The following VIPAS39 variants were observed in gnomAD, a reference collection of about 807,000 sequenced individuals.
VIPAS39 encodes the protein VPS33B interacting protein, apical-basolateral polarity regulator, spe-39 homolog.
Under a neutral mutation model 84.7 loss-of-function variants are expected in VIPAS39, and 63 were observed. The observed-to-expected ratio is 0.74, with a 90% confidence interval of 0.61 to 0.92. The LOEUF (loss-of-function observed/expected upper bound fraction) is 0.92, where lower values mean the gene tolerates loss of function less well. VIPAS39 is among the 40% of genes least tolerant of loss of function. The pLI is 0.00. For synonymous variants in VIPAS39, 192 were observed against 216.5 expected (o/e 0.89, Z 0.99); for missense variants, 499 against 604.5 (o/e 0.83, Z 1.83).
In VIPAS39 at chr14:77,429,111, C is replaced by T. The variant is rs2078479155; in HGVS notation, c.1267-16G>A. 4 of 1,609,598 alleles carry T rather than the reference C, an allele frequency of 2.5e-6. No individual in the cohort carries two copies. The highest frequency in any genetic ancestry group is 1.3e-5 in the African/African-American group (1 of 74,854). On this transcript the variant is annotated splice_polypyrimidine_tract_variant and intron_variant, in intron 17 of 19. Coordinates refer to ENST00000557658, the MANE Select transcript of VIPAS39 (RefSeq NM_001193315.2). ...CCTGTAATATCTGTGGGAAGAGGTA[C>T]TTCCGATTAATGATTCAAACACCCA... is the stretch of plus-strand genomic sequence containing the variant.
chr14:77,457,365 A>C (rs1566743273), intron 1 of VIPAS39, 130 bp downstream of exon 1: 1 of 1,535,666 alleles, frequency 6.5e-7, no homozygotes, highest in East Asian at 2.4e-5. Flanking sequence ...GGTCGCCCTG[A>C]CTGAAAGAAG....
At chr14:77,440,333 T>G (rs955882567) in intron 11 of VIPAS39, 2 of 152,052 alleles carry the variant, frequency 1.3e-5, no homozygotes, top group African/African-American at 4.8e-5. Context: ...TGCCAAAATT[T>G]AATCTTAACA....
At chr14:77,432,743 G>C (rs954547758) in intron 16 of VIPAS39, among the ~76,000 whole-genome samples, 1 of 152,070 alleles carries the variant, frequency 6.6e-6, no homozygotes, top group African/African-American at 2.4e-5. Flanking sequence ...GTTTCCAGAG[G>C]GGGAAAAAAG....
At chr14:77,429,877 T>A in intron 16 of VIPAS39, 110 bp from the exon 17 acceptor site, 1 of 912,660 alleles carries the variant, frequency 1.1e-6, no homozygotes, top group Non-Finnish European at 1.8e-6. Context: ...TGAGTGGGGG[T>A]GCTGAGGGAT....
chr14:77,442,582 T>G lies in VIPAS39; in HGVS notation c.712A>C (p.Lys238Gln), dbSNP rs1594909371. ...TACCTGAAGAGGTCTAAAAGCAACT[T>G]TTGATCCCCTATTTCCTTAAGGAAG... is the stretch of plus-strand genomic sequence containing the variant. ...IHFLKEIGDQ[K>Q]LLLDLFRFLD... The change falls in exon 10 of 20, where the codon AAG becomes CAG. Residue 238 changes from lysine to glutamine, a missense_variant. By Grantham distance (53) the Lys-to-Gln change is moderately conservative. Transcript: ENST00000557658. 6.8e-6 allele frequency: 11 copies of G among 1,614,030 alleles called. No individual in the cohort carries two copies. The highest frequency in any genetic ancestry group is 9.3e-6 in the Non-Finnish European group (11 of 1,180,030).
intron 12 of VIPAS39, among the ~76,000 whole-genome samples, chr14:77,437,216 A>G (rs2078626527): frequency 1.3e-5 from 2 of 152,312 alleles, no homozygotes; most frequent in South Asian, 4.1e-4. Flanking sequence ...AGATACAGGG[A>G]AGCAAATTTC....
chr14:77,432,087 G>A (rs561558519), intron 16 of VIPAS39, among the ~76,000 whole-genome samples: 162 of 152,246 alleles, frequency 1.1e-3, no homozygotes, highest in Non-Finnish European at 1.9e-3. Flanking sequence ...CAGGAGTTTT[G>A]CTAAATGAGT....
rs376603353 is a variant in VIPAS39, at chr14:77,444,239, G to A, written c.597+10C>T. 22 of 1,611,188 alleles carry A rather than the reference G, an allele frequency of 1.4e-5. No homozygotes were observed. Among genetic ancestry groups the A allele is most frequent in the Middle Eastern group, 1.6e-4 (1 of 6,070 alleles). On this transcript the variant is annotated intron_variant, in intron 8 of 19. Transcript: ENST00000557658. ...TAATTAAACAAACAACAACAAATCC[G>A]ACAACTCACTGCAGTAATGACGTTT...
In VIPAS39 at chr14:77,449,761, AAAG is replaced by A. The variant is rs778162363; in HGVS notation, c.344-12_344-10del. On this transcript the variant is annotated splice_polypyrimidine_tract_variant and intron_variant, in intron 4 of 19. Transcript: ENST00000557658. ...TCCAGGTCTAGTTCTACCTAAAGGTAAAGAACACAAGAGGGAAAAGGTCAACAG... is the reference window on the plus strand; with the variant it reads ...TCCAGGTCTAGTTCTACCTAAAGGTAAACACAAGAGGGAAAAGGTCAACAG... 1.2e-6 allele frequency: 2 copies of A among 1,614,166 alleles called. No homozygotes were observed. The highest frequency in any genetic ancestry group is 2.2e-5 in the South Asian group (2 of 91,086).
intron 19 of VIPAS39, 26 bp from the exon 20 acceptor site, chr14:77,427,662 T>C (rs2078450774): frequency 6.2e-7 from 1 of 1,614,092 alleles, no homozygotes; most frequent in Non-Finnish European, 8.5e-7. Flanking sequence ...ACAATGAAAG[T>C]GTGTGATCAG....
intron 16 of VIPAS39, among the ~76,000 whole-genome samples, chr14:77,432,933 T>TGTGAGATGA (rs2078546564): frequency 6.6e-6 from 1 of 152,186 alleles, no homozygotes; most frequent in South Asian, 2.1e-4. Flanking sequence ...GATGGGTTAA[T>TGTGAGATGA]TGGCATGACT....
chr14:77,451,071 T>G, intron 4 of VIPAS39, 116 bp downstream of exon 4: 694 of 1,497,458 alleles, frequency 4.6e-4, no homozygotes, highest in Non-Finnish European at 5.8e-4. Flanking sequence ...CCACCTCCAA[T>G]GAGAATGCTT....
In VIPAS39 at chr14:77,457,565, C is replaced by A. The variant is rs1445165295; in HGVS notation, c.-71G>T. ...CCGCCGCTGGACCAGCCCTTCTATT[C>A]AGGCTGTGCAGCTTAGAGAAGGGGG... On this transcript the variant is annotated 5_prime_UTR_variant, in exon 1 of 20. Transcript: ENST00000557658. The A allele has an allele frequency of 8.1e-6, 5 of 619,698 alleles. No homozygotes were observed. The highest frequency in any genetic ancestry group is 1.1e-5 in the Non-Finnish European group (4 of 355,528). 38.4% of individuals were successfully genotyped at this position (619,698 alleles called of 1,614,324 possible). A position where few individuals can be genotyped will look rare whatever the true frequency, so the allele number is the denominator to read the frequency against.
At chr14:77,455,737 T>C (rs947462449) in intron 1 of VIPAS39, among the ~76,000 whole-genome samples, 2 of 152,214 alleles carry the variant, frequency 1.3e-5, no homozygotes, top group Non-Finnish European at 2.9e-5. Flanking sequence ...AAAGATACTC[T>C]ACTGTTACTT....
At position 77,427,146 on chromosome 14, in the gene VIPAS39, T is replaced by G; in HGVS notation, c.*470A>C. The G allele has an allele frequency of 5.3e-6, 1 of 189,776 alleles. No individual in the cohort carries two copies. The highest frequency in any genetic ancestry group is 1.1e-5 in the Non-Finnish European group (1 of 90,572). The allele number at this position is 189,776 out of a possible 1,614,324, so 11.8% of individuals were successfully genotyped here. On this transcript the variant is annotated 3_prime_UTR_variant, in exon 20 of 20. Coordinates refer to ENST00000557658, the MANE Select transcript of VIPAS39 (RefSeq NM_001193315.2). The stretch of plus-strand genomic sequence containing the variant: ...CTGGTGTGAGTGCATCTCCAGGAGG[T>G]CTTGGGAAACACTGGCATTCCTTCC...
chr14:77,444,719 C>T (rs1006657347), intron 7 of VIPAS39, among the ~76,000 whole-genome samples: 15 of 151,974 alleles, frequency 9.9e-5, no homozygotes, highest in Non-Finnish European at 1.8e-4. Context: ...ACTAGAGGTG[C>T]CCGCCACCAT....
At chr14:77,450,149 C>T (rs2078859525) in intron 4 of VIPAS39, among the ~76,000 whole-genome samples, 1 of 152,226 alleles carries the variant, frequency 6.6e-6, no homozygotes, top group Admixed American at 6.5e-5. Flanking sequence ...CACCCCAGCT[C>T]TTGGTAACCA....
chr14:77,430,439 A>C (rs1297934134), intron 16 of VIPAS39, among the ~76,000 whole-genome samples: 1 of 152,180 alleles, frequency 6.6e-6, no homozygotes, highest in Non-Finnish European at 1.5e-5. Flanking sequence ...AATGGAGGCC[A>C]GGTGCGGTGG....
intron 8 of VIPAS39, 116 bp downstream of exon 8, chr14:77,444,133 G>T (rs2078748712): frequency 1.9e-6 from 2 of 1,044,858 alleles, no homozygotes; most frequent in Non-Finnish European, 2.8e-6. Flanking sequence ...ACACCTCCAA[G>T]GGGAATCCAG....
Sources: gnomAD v4.1 joint callset for allele counts (sites outside exome capture counted in the v4.1 genomes callset) on GRCh38, gnomAD v4.1.1 for gene constraint, MANE v1.5 for transcripts, NCBI Gene and HGNC (gene_info 2026-07-23, HGNC 2026-07-21) for gene names.